The following ANXA11 variants were observed in gnomAD, a reference collection of about 807,000 sequenced individuals.
The protein encoded by ANXA11 is annexin A11.
A neutral mutation model predicts 64.7 loss-of-function variants in ANXA11; 57 were observed. The ratio of observed to expected loss-of-function variants is 0.88; its 90% CI spans 0.71 to 1.10. The LOEUF is 1.10. ANXA11 is among the 50% of genes least tolerant of loss of function. ANXA11 has a pLI of 0.00. For missense variants in ANXA11, 675 were observed against 670.7 expected, an observed-to-expected ratio of 1.01 and a Z score of -0.07; for synonymous variants, 260 against 265.2, an observed-to-expected ratio of 0.98 and a Z score of 0.19.
Position 80,159,208 on chromosome 10 carries a change from C to G in ANXA11, c.1181-13G>C. 1 of 1,608,214 alleles carries G rather than the reference C, an allele frequency of 6.2e-7. No individual in the cohort carries two copies. Among genetic ancestry groups the G allele is most frequent in the Non-Finnish European group, 8.5e-7 (1 of 1,174,740 alleles). On this transcript the variant is annotated splice_polypyrimidine_tract_variant and intron_variant, in intron 12 of 15. Coordinates refer to ENST00000422982, the MANE Select transcript of ANXA11 (RefSeq NM_145868.2). The stretch of plus-strand genomic sequence containing the variant: ...TACTCATTGAAAACTATGGGGATGA[C>G]AGAGGCTTATATTATGAACTGAAAT...
At chr10:80,188,511 A>ATATATAT (rs1554834982) in intron 1 of ANXA11, among the ~76,000 whole-genome samples, 8 of 126,494 alleles carry the variant, frequency 6.3e-5, no homozygotes, top group South Asian at 2.4e-4. Context: ...ATATATATAT[A>ATATATAT]GCACTACAAC....
intron 15 of ANXA11, chr10:80,157,232 G>C (rs1728311843): frequency 1.0e-6 from 1 of 985,340 alleles, no homozygotes; most frequent in Non-Finnish European, 1.2e-6. Context: ...CCCTCGCTCT[G>C]AACGGCCTTA....
At chr10:80,187,746 A>G (rs1846602863) in intron 1 of ANXA11, among the ~76,000 whole-genome samples, 1 of 152,160 alleles carries the variant, frequency 6.6e-6, no homozygotes, top group Non-Finnish European at 1.5e-5. Flanking sequence ...GGGCCCGCCT[A>G]GGAGGGACCA....
upstream of ANXA11, chr10:80,205,572 C>T (rs1232887275): frequency 2.0e-5 from 3 of 152,026 alleles, no homozygotes; most frequent in Admixed American, 6.5e-5. Context: ...AGAGGCAGTG[C>T]AAGGGAGGGG....
At chr10:80,181,753 TTA>T (rs1181267082) in intron 1 of ANXA11, among the ~76,000 whole-genome samples, 1 of 152,188 alleles carries the variant, frequency 6.6e-6, no homozygotes, top group Non-Finnish European at 1.5e-5. Context: ...TATACACCTA[TTA>T]GAATGGCCAA....
intron 8 of ANXA11, among the ~76,000 whole-genome samples, chr10:80,164,767 C>T (rs1274429519): frequency 6.6e-6 from 1 of 152,156 alleles, no homozygotes; most frequent in Non-Finnish European, 1.5e-5. Flanking sequence ...GCTTCCAGTT[C>T]CTTGTCTGTA....
chr10:80,170,771 G>A (rs780294231), intron 4 of ANXA11, 29 bp downstream of exon 4: 1 of 1,447,572 alleles, frequency 6.9e-7, no homozygotes, highest in Admixed American at 2.8e-5. Context: ...GTGGCCCCAG[G>A]GCTGCCTCAG....
intron 1 of ANXA11, among the ~76,000 whole-genome samples, chr10:80,195,016 A>C (rs1846927150): frequency 6.6e-6 from 1 of 152,152 alleles, no homozygotes; most frequent in African/African-American, 2.4e-5. Context: ...AATGGCCGGC[A>C]CAGACCCGTC....
In ANXA11 at chr10:80,176,108, T is replaced by C. The variant is rs1846159951; in HGVS notation, c.-10A>G. 6.6e-6 allele frequency: 1 copy of C among 152,196 alleles called. No individual in the cohort carries two copies. The highest frequency in any genetic ancestry group is 6.5e-5 in the Admixed American group (1 of 15,278). 9.4% of individuals were successfully genotyped at this position (152,196 alleles called of 1,614,324 possible). On this transcript the variant is annotated splice_region_variant and 5_prime_UTR_variant, in exon 2 of 16. Coordinates refer to ENST00000422982, the MANE Select transcript of ANXA11 (RefSeq NM_145868.2). ...ATATCAAAACTTAAAATGACATACC[T>C]TTGACTCAGCAACTCCACTTCTGTA...
chr10:80,157,169 T>C, intron 15 of ANXA11: 3 of 978,532 alleles, frequency 3.1e-6, no homozygotes, highest in Non-Finnish European at 3.6e-6. Context: ...CCATTCAAGG[T>C]CACACAGTTA....
intron 15 of ANXA11, chr10:80,156,361 G>A (rs1166219785): frequency 6.4e-6 from 3 of 469,892 alleles, no homozygotes; most frequent in African/African-American, 6.0e-5. Context: ...TCCTCTGTCT[G>A]AGGCCACTAC....
chr10:80,161,201 C>T (rs968457536), intron 12 of ANXA11, among the ~76,000 whole-genome samples: 2 of 152,198 alleles, frequency 1.3e-5, no homozygotes, highest in Non-Finnish European at 2.9e-5. Context: ...CCTCACCTCC[C>T]ACTCCTCTTG....
intron 11 of ANXA11, among the ~76,000 whole-genome samples, chr10:80,162,713 C>A (rs1013043191): frequency 2.0e-5 from 3 of 152,220 alleles, no homozygotes; most frequent in African/African-American, 7.2e-5. Flanking sequence ...CCACTGGCAG[C>A]TCCTGGTGAA....
chr10:80,164,637 C>T (rs146367823), intron 8 of ANXA11, among the ~76,000 whole-genome samples: 5 of 152,324 alleles, frequency 3.3e-5, no homozygotes, highest in Admixed American at 2.0e-4. Context: ...CGGACAACCA[C>T]GCCAGGGACA....
intron 11 of ANXA11, among the ~76,000 whole-genome samples, chr10:80,162,918 C>T (rs768339363): frequency 2.8e-4 from 43 of 152,170 alleles, no homozygotes; most frequent in Admixed American, 5.9e-4. Flanking sequence ...CTGCAACTCA[C>T]AAGAGGGACA....
Position 80,189,924 on chromosome 10 carries a change from A to C in ANXA11, c.-57-13769T>G, listed in dbSNP as rs550080680. The stretch of plus-strand genomic sequence containing the variant: ...CAAGATCTCCACATAAAAAGAGAAT[A>C]TCATTCAGCCTCAAAACAGAAGAAA... On this transcript the variant is annotated intron_variant, in intron 1 of 15. Transcript: ENST00000422982. Among the ~76,000 whole-genome samples the C allele has an allele frequency of 1.3e-4, 20 of 152,392 alleles. No homozygotes were observed. The South Asian group carries it at 3.9e-3, about 30-fold the overall frequency.
At chr10:80,183,056 G>T (rs924479474) in intron 1 of ANXA11, among the ~76,000 whole-genome samples, 3 of 152,182 alleles carry the variant, frequency 2.0e-5, no homozygotes, top group African/African-American at 7.2e-5. Context: ...CTCCTGGCAT[G>T]GGCTGGGGAA....
intron 1 of ANXA11, among the ~76,000 whole-genome samples, chr10:80,191,142 T>C (rs1846757823): frequency 6.6e-6 from 1 of 152,046 alleles, no homozygotes; most frequent in Admixed American, 6.5e-5. Flanking sequence ...GGAGAATTAC[T>C]TGAACCCGGG....
intron 8 of ANXA11, among the ~76,000 whole-genome samples, chr10:80,164,634 C>A (rs34749786): frequency 0.11 from 17,216 of 152,274 alleles, 1,199 homozygotes; most frequent in South Asian, 0.24. Context: ...AATCGGACAA[C>A]CACGCCAGGG....
Sources: gnomAD v4.1 joint callset for allele counts (sites outside exome capture counted in the v4.1 genomes callset) on GRCh38, gnomAD v4.1.1 for gene constraint, MANE v1.5 for transcripts, NCBI Gene and HGNC (gene_info 2026-07-23, HGNC 2026-07-21) for gene names.